The following LRP1 variants were observed in gnomAD, a reference collection of about 807,000 sequenced individuals.
The protein encoded by LRP1 is prolow-density lipoprotein receptor-related protein 1.
In LRP1, 51 loss-of-function variants were observed where a neutral mutation model predicts 541.5. The observed-to-expected ratio is 0.09, with a 90% CI of 0.08 to 0.12. The LOEUF is 0.12. LRP1 is among the 10% of genes least tolerant of loss of function. LRP1 has a pLI of 1.00. For missense variants in LRP1, 3,878 were observed against 6,376.2 expected, an observed-to-expected ratio of 0.61 and a Z score of 13.34; for synonymous variants, 2,219 against 2,470.8, an observed-to-expected ratio of 0.90 and a Z score of 3.02.
In LRP1 at chr12:57,178,791, G is replaced by A; in HGVS notation, c.4607-99G>A. ...AAGGGTCTAGTAGTAGCGGCTGCTGGAACAGGGGGAGGAGAGTGGGCGAGG... is the reference window on the plus strand; with the variant it reads ...AAGGGTCTAGTAGTAGCGGCTGCTGAAACAGGGGGAGGAGAGTGGGCGAGG... On this transcript the variant is annotated intron_variant, in intron 27 of 88. Coordinates refer to ENST00000243077, the MANE Select transcript of LRP1 (RefSeq NM_002332.3). The surrounding 1 kb of genome is among the most constrained non-coding windows in gnomAD (Gnocchi z 5.8). 6.6e-7 allele frequency: 1 copy of A among 1,526,296 alleles called. No individual in the cohort carries two copies. The highest frequency in any genetic ancestry group is 8.8e-7 in the Non-Finnish European group (1 of 1,135,198). 94.5% of individuals were successfully genotyped at this position (1,526,296 alleles called of 1,614,324 possible). A position where few individuals can be genotyped will look rare whatever the true frequency, so the allele number is the denominator to read the frequency against.
Position 57,185,499 on chromosome 12 carries a change from G to A in LRP1, c.6464-32G>A, listed in dbSNP as rs747510210. On this transcript the variant is annotated intron_variant, in intron 40 of 88. Coordinates refer to ENST00000243077, the MANE Select transcript of LRP1 (RefSeq NM_002332.3). This position sits in a 1 kb window ranked among gnomAD's most constrained non-coding sequence, Gnocchi z 4.9. ...GCACCAGTGAGCCTTTCCCAAGGCA[G>A]GCCCTGCCCTCTGTACCCTCCCCTC... The A allele has an allele frequency of 1.3e-6, 2 of 1,540,862 alleles. No individual in the cohort carries two copies. Among genetic ancestry groups the A allele is most frequent in the Non-Finnish European group, 1.7e-6 (2 of 1,145,364 alleles).
At position 57,156,273 on chromosome 12, in the gene LRP1, T is replaced by C; in HGVS notation, c.1407T>C (p.Arg469=). ...GGALHIYHQR[R]QPRVRSHACE... The stretch of plus-strand genomic sequence containing the variant: ...CCCTCCACATCTACCACCAGAGGCG[T>C]CAGCCCCGAGGTGAGCAGGGCTCCA... The change falls in exon 9 of 89, where the codon CGT becomes CGC. Residue 469 remains arginine, a synonymous_variant. Coordinates refer to ENST00000243077, the MANE Select transcript of LRP1 (RefSeq NM_002332.3). The surrounding 1 kb of genome is among the most constrained non-coding windows in gnomAD (Gnocchi z 5.2). 6.2e-7 allele frequency: 1 copy of C among 1,614,076 alleles called. No individual in the cohort carries two copies. Among genetic ancestry groups the C allele is most frequent in the African/African-American group, 1.3e-5 (1 of 75,046 alleles).
Position 57,198,599 on chromosome 12 carries a change from G to T in LRP1, c.9605G>T (p.Arg3202Leu), listed in dbSNP as rs757948752. ...NGLTLDYVTE[R>L]IYWADAREDY... ...CTGACGCTGGACTATGTCACTGAGCGCATCTACTGGGCCGACGCCCGCGAG... is the reference window on the plus strand; with the variant it reads ...CTGACGCTGGACTATGTCACTGAGCTCATCTACTGGGCCGACGCCCGCGAG... The change falls in exon 60 of 89, where the codon CGC becomes CTC. Residue 3202 changes from arginine to leucine, a missense_variant. Physicochemically the swap from Arg to Leu is moderately radical, Grantham distance 102 (BLOSUM62 -2). Around this residue, in one of 13 missense-constraint regions of LRP1, gnomAD observed 1,100 missense variants for 1,827.4 expected, o/e 0.60. Coordinates refer to ENST00000243077, the MANE Select transcript of LRP1 (RefSeq NM_002332.3). The T allele has an allele frequency of 1.2e-6, 2 of 1,613,752 alleles. No homozygotes were observed. Among genetic ancestry groups the T allele is most frequent in the Non-Finnish European group, 8.5e-7 (1 of 1,179,962 alleles).
Position 57,184,224 on chromosome 12 carries a change from T to C in LRP1, c.6059+10T>C, listed in dbSNP as rs907222697. 1 of 1,613,492 alleles carries C rather than the reference T, an allele frequency of 6.2e-7. No homozygotes were observed. On this transcript the variant is annotated intron_variant, in intron 37 of 88. Transcript: ENST00000243077. This position sits in a 1 kb window ranked among gnomAD's most constrained non-coding sequence, Gnocchi z 7.8. The stretch of plus-strand genomic sequence containing the variant: ...TCCACCCGGAGAAAGGGTGAGGAGC[T>C]GGAAAGACTGGCCTTGTCATTCTGC...
intron 43 of LRP1, 57 bp from the exon 44 acceptor site, chr12:57,191,263 G>A: frequency 6.6e-7 from 1 of 1,510,068 alleles, no homozygotes; most frequent in Non-Finnish European, 9.0e-7. Context: ...GTGGTCCGGT[G>A]GAGACTGGGC....
chr12:57,162,653 G>C lies in LRP1; in HGVS notation c.2404+135G>C. The C allele has an allele frequency of 8.8e-7, 1 of 1,139,612 alleles. No individual in the cohort carries two copies. The highest frequency in any genetic ancestry group is 1.3e-6 in the Non-Finnish European group (1 of 798,788). 70.6% of individuals were successfully genotyped at this position (1,139,612 alleles called of 1,614,324 possible). A position where few individuals can be genotyped will look rare whatever the true frequency, so the allele number is the denominator to read the frequency against. On this transcript the variant is annotated intron_variant, in intron 14 of 88. Coordinates refer to ENST00000243077, the MANE Select transcript of LRP1 (RefSeq NM_002332.3). The surrounding 1 kb of genome is among the most constrained non-coding windows in gnomAD (Gnocchi z 5.2). The stretch of plus-strand genomic sequence containing the variant: ...CTGACTTTTGAGGATCCTGAGAAGA[G>C]AACTCCCCCAACACAATCTGATTCT...
chr12:57,159,712 C>T (rs968443039), intron 11 of LRP1, 113 bp from the exon 12 acceptor site: 18 of 1,013,690 alleles, frequency 1.8e-5, no homozygotes, highest in Middle Eastern at 2.1e-4. Flanking sequence ...AGGGTCCCTG[C>T]ACCCCTCTGT....
intron 17 of LRP1, among the ~76,000 whole-genome samples, chr12:57,166,725 TCTC>T (rs879618993): frequency 6.6e-6 from 1 of 152,152 alleles, no homozygotes; most frequent in African/African-American, 2.4e-5. Flanking sequence ...GCAGGGTAGA[TCTC>T]CTCCTGGGAG....
chr12:57,138,869 C>T (rs1226045076), intron 2 of LRP1, among the ~76,000 whole-genome samples: 1 of 152,224 alleles, frequency 6.6e-6, no homozygotes, highest in African/African-American at 2.4e-5. Context: ...GCCTCCCTTT[C>T]CTTCCAGCTC....
intron 6 of LRP1, chr12:57,149,220 C>A (rs1311339328): frequency 6.8e-6 from 3 of 439,488 alleles, no homozygotes; most frequent in Non-Finnish European, 1.2e-5. Flanking sequence ...CCTTTCTGAC[C>A]CATGGGATGC....
intron 78 of LRP1, 91 bp from the exon 79 acceptor site, chr12:57,208,992 G>T (rs1433352095): frequency 1.7e-6 from 2 of 1,169,336 alleles, no homozygotes; most frequent in East Asian, 4.7e-5. Context: ...GTATGAACAG[G>T]GTGGAGCTGT....
Position 57,202,548 on chromosome 12 carries a change from A to ACCCCC in LRP1, c.10711+14_10711+15insCCCCC. 1.3e-6 allele frequency: 1 copy of ACCCCC among 767,246 alleles called. No individual in the cohort carries two copies. Among genetic ancestry groups the ACCCCC allele is most frequent in the South Asian group, 2.3e-5 (1 of 42,632 alleles). The allele number at this position is 767,246 out of a possible 1,614,324, so 47.5% of individuals were successfully genotyped here. On this transcript the variant is annotated intron_variant, in intron 68 of 88. Transcript: ENST00000243077. ...ATGAAGAGAGCTGCAGTACGTCCCC[A>ACCCCC]CCCACCCAGCCCCGCATGAGCCCCT...
intron 45 of LRP1, 21 bp downstream of exon 45, chr12:57,192,991 G>C (rs1318379161): frequency 6.2e-7 from 1 of 1,609,314 alleles, no homozygotes; most frequent in Non-Finnish European, 8.5e-7. Flanking sequence ...CGGGGGGGAG[G>C]GGCTGGCGGG....
Position 57,156,229 on chromosome 12 carries a change from C to T in LRP1, c.1363C>T (p.Arg455Trp), listed in dbSNP as rs753045357. 28 of 1,614,032 alleles carry T rather than the reference C, an allele frequency of 1.7e-5. No individual in the cohort carries two copies. Among genetic ancestry groups the T allele is most frequent in the East Asian group, 2.2e-5 (1 of 44,878 alleles). The part of the protein sequence containing the change: ...FNSTEYQVVT[R>W]VDKGGALHIY... Reference sequence around the variant, plus strand: ...CAGCACCGAGTACCAGGTTGTCACCCGGGTGGACAAGGGTGGTGCCCTCCA... The same window carrying T: ...CAGCACCGAGTACCAGGTTGTCACCTGGGTGGACAAGGGTGGTGCCCTCCA... The change falls in exon 9 of 89, where the codon CGG becomes TGG. Residue 455 changes from arginine (R) to tryptophan (W), a missense_variant. Physicochemically the swap from Arg to Trp is moderately radical, Grantham distance 101. Around this residue, in one of 13 missense-constraint regions of LRP1, gnomAD observed 496 missense variants for 861.0 expected, o/e 0.58. Coordinates refer to ENST00000243077, the MANE Select transcript of LRP1 (RefSeq NM_002332.3). This position sits in a 1 kb window ranked among gnomAD's most constrained non-coding sequence, Gnocchi z 5.2.
Position 57,165,725 on chromosome 12 carries a change from C to A in LRP1, c.2531-80C>A. The A allele has an allele frequency of 2.1e-6, 3 of 1,437,634 alleles. No individual in the cohort carries two copies. The highest frequency in any genetic ancestry group is 9.5e-7 in the Non-Finnish European group (1 of 1,055,094). 89.1% of individuals were successfully genotyped at this position (1,437,634 alleles called of 1,614,324 possible). A position where few individuals can be genotyped will look rare whatever the true frequency, so the allele number is the denominator to read the frequency against. On this transcript the variant is annotated intron_variant, in intron 15 of 88. Coordinates refer to ENST00000243077, the MANE Select transcript of LRP1 (RefSeq NM_002332.3). The surrounding 1 kb of genome is among the most constrained non-coding windows in gnomAD (Gnocchi z 4.5). ...TATTATTAAAAAATAGTAAAACAAA[C>A]AAAAATGGTGCAAAGGGCTTAGTAC...
chr12:57,205,034 T>C lies in LRP1; in HGVS notation c.11195-75T>C. On this transcript the variant is annotated intron_variant, in intron 72 of 88. Coordinates refer to ENST00000243077, the MANE Select transcript of LRP1 (RefSeq NM_002332.3). This position sits in a 1 kb window ranked among gnomAD's most constrained non-coding sequence, Gnocchi z 4.6. Reference sequence around the variant, plus strand: ...TTGTCACTTAGGAATTGGGAGCCACTGTTATCTATGGGGTTGCCGTGGGAG... The same window carrying C: ...TTGTCACTTAGGAATTGGGAGCCACCGTTATCTATGGGGTTGCCGTGGGAG... 1.3e-6 allele frequency: 2 copies of C among 1,531,236 alleles called. No homozygotes were observed. Among genetic ancestry groups the C allele is most frequent in the Non-Finnish European group, 1.8e-6 (2 of 1,135,946 alleles). 94.9% of individuals were successfully genotyped at this position (1,531,236 alleles called of 1,614,324 possible).
In LRP1 at chr12:57,158,436, G is replaced by A. The variant is rs2035664393; in HGVS notation, c.1596G>A (p.Lys532=). The change falls in exon 11 of 89, where the codon AAG becomes AAA. Residue 532 remains lysine (K), a synonymous_variant. Coordinates refer to ENST00000243077, the MANE Select transcript of LRP1 (RefSeq NM_002332.3). This position sits in a 1 kb window ranked among gnomAD's most constrained non-coding sequence, Gnocchi z 5.3. The part of the protein sequence containing the change: ...PEHELFLVYG[K]GRPGIIRGMD... ...ATGAGCTGTTCCTCGTGTATGGCAAGGGCCGGCCAGGCATCATCCGGGGCA... is the reference window on the plus strand; with the variant it reads ...ATGAGCTGTTCCTCGTGTATGGCAAAGGCCGGCCAGGCATCATCCGGGGCA... 1.9e-6 allele frequency: 3 copies of A among 1,613,414 alleles called. No individual in the cohort carries two copies. Among genetic ancestry groups the A allele is most frequent in the Admixed American group, 1.7e-5 (1 of 59,994 alleles).
At chr12:57,191,959 T>C (rs1331271950) in intron 44 of LRP1, among the ~76,000 whole-genome samples, 92 of 4,496 alleles carry the variant, frequency 0.02, no homozygotes, top group East Asian at 0.039. Context: ...ACACACCACA[T>C]ACACACACCA....
rs1379581067 is a variant in LRP1, at chr12:57,173,112, G to A, written c.3164-56G>A. 6.8e-7 allele frequency: 1 copy of A among 1,460,238 alleles called. No homozygotes were observed. The highest frequency in any genetic ancestry group is 1.4e-5 in the African/African-American group (1 of 72,044). 90.5% of individuals were successfully genotyped at this position (1,460,238 alleles called of 1,614,324 possible). On this transcript the variant is annotated intron_variant, in intron 20 of 88. Coordinates refer to ENST00000243077, the MANE Select transcript of LRP1 (RefSeq NM_002332.3). This position sits in a 1 kb window ranked among gnomAD's most constrained non-coding sequence, Gnocchi z 4.7. The stretch of plus-strand genomic sequence containing the variant: ...CCGGGGTGGCAGGGCACAGGGATGA[G>A]GAGGGCTGACCTGGGCAACCCCTCC...
Sources: gnomAD v4.1 joint callset for allele counts (sites outside exome capture counted in the v4.1 genomes callset) on GRCh38, gnomAD v4.1.1 for gene constraint, gnomAD v4.1.1 regional missense constraint, Gnocchi (gnomAD v3.1) non-coding constraint, MANE v1.5 for transcripts, NCBI Gene and HGNC (gene_info 2026-07-23, HGNC 2026-07-21) for gene names.